Variants in RAB10 observed in about 807,000 individuals in gnomAD.
RAB10 encodes RAB10, member RAS oncogene family.
RAB10 carries 5 observed loss-of-function variants against 25.7 expected under a neutral mutation model. That is an observed-to-expected ratio of 0.19 (90% CI 0.10 to 0.41). The LOEUF (loss-of-function observed/expected upper bound fraction) is 0.41, where lower values mean the gene tolerates loss of function less well. RAB10 is among the 10% of genes least tolerant of loss of function. The pLI is 1.00. For synonymous variants in RAB10, 89 were observed against 86.4 expected, an observed-to-expected ratio of 1.03 and a Z score of -0.16; for missense variants, 103 against 245.8, an observed-to-expected ratio of 0.42 and a Z score of 3.89.
chr2:26,121,862 G>A (rs1004946731), intron 3 of RAB10, among the ~76,000 whole-genome samples: 1 of 152,126 alleles, frequency 6.6e-6, no homozygotes, highest in African/African-American at 2.4e-5. Context: ...ATTTTGGTGA[G>A]CTCGTATGTT....
At chr2:26,073,741 T>G (rs549028035) in intron 1 of RAB10, among the ~76,000 whole-genome samples, 42 of 152,290 alleles carry the variant, frequency 2.8e-4, no homozygotes, top group Non-Finnish European at 5.1e-4. Context: ...CAATTCCTAG[T>G]CTGGTTGCCA....
chr2:26,081,341 A>G (rs147986268), intron 1 of RAB10, among the ~76,000 whole-genome samples: 7 of 152,300 alleles, frequency 4.6e-5, no homozygotes, highest in Middle Eastern at 3.4e-3. Flanking sequence ...GTAAAACTTC[A>G]TATCTGTGAT....
At chr2:26,107,571 T>C (rs1667490770) in intron 2 of RAB10, among the ~76,000 whole-genome samples, 2 of 151,686 alleles carry the variant, frequency 1.3e-5, no homozygotes, top group Non-Finnish European at 1.5e-5. Context: ...TGAGGCGGGC[T>C]GATCACCTGA....
At chr2:26,047,376 AT>A (rs1382055311) in intron 1 of RAB10, among the ~76,000 whole-genome samples, 1 of 119,744 alleles carries the variant, frequency 8.4e-6, no homozygotes, top group African/African-American at 3.3e-5. Flanking sequence ...TTCCCTGGAG[AT>A]TAATCCAAGT....
chr2:26,058,588 T>C (rs1559580696), intron 1 of RAB10, among the ~76,000 whole-genome samples: 1 of 152,144 alleles, frequency 6.6e-6, no homozygotes, highest in Non-Finnish European at 1.5e-5. Context: ...ACCTCTTTGC[T>C]TAGAGCTTCA....
chr2:26,110,850 T>C (rs974306673), intron 3 of RAB10, among the ~76,000 whole-genome samples: 35 of 133,430 alleles, frequency 2.6e-4, no homozygotes, highest in African/African-American at 9.5e-4. Flanking sequence ...GAATTACAGG[T>C]GTGCACCACC....
intron 5 of RAB10, among the ~76,000 whole-genome samples, chr2:26,130,313 T>C (rs1667987230): frequency 6.6e-6 from 1 of 152,104 alleles, no homozygotes; most frequent in Admixed American, 6.5e-5. Flanking sequence ...TCTTTCCTTT[T>C]TTTTTTCTTT....
At chr2:26,120,971 G>T (rs946505138) in intron 3 of RAB10, among the ~76,000 whole-genome samples, 1 of 151,918 alleles carries the variant, frequency 6.6e-6, no homozygotes, top group Admixed American at 6.6e-5. Context: ...GAGTGCAGTG[G>T]TATCATCTCA....
intron 1 of RAB10, among the ~76,000 whole-genome samples, chr2:26,045,278 C>T (rs1256172254): frequency 3.3e-5 from 5 of 150,020 alleles, no homozygotes; most frequent in Admixed American, 6.7e-5. Context: ...CTCGTTCTGT[C>T]GCCCAGGCTG....
chr2:26,036,918 CAGAGACTACAGG>C, intron 1 of RAB10, among the ~76,000 whole-genome samples: 1 of 152,038 alleles, frequency 6.6e-6, no homozygotes, highest in East Asian at 2.0e-4. Flanking sequence ...TCCTGAGTAG[CAGAGACTACAGG>C]TGCCCACCAC....
chr2:26,120,461 G>A (rs192912060), intron 3 of RAB10, among the ~76,000 whole-genome samples: 6 of 152,310 alleles, frequency 3.9e-5, no homozygotes, highest in African/African-American at 2.4e-5. Context: ...GCACATGGCA[G>A]GATTTTAGGA....
chr2:26,062,373 A>G (rs1666417647), intron 1 of RAB10, among the ~76,000 whole-genome samples: 1 of 152,090 alleles, frequency 6.6e-6, no homozygotes, highest in African/African-American at 2.4e-5. Flanking sequence ...CTCCTCCCCA[A>G]ACAAACACAA....
At chr2:26,077,393 G>A (rs1010874922) in intron 1 of RAB10, among the ~76,000 whole-genome samples, 2 of 152,048 alleles carry the variant, frequency 1.3e-5, no homozygotes, top group Admixed American at 1.3e-4. Context: ...TTGTATTATT[G>A]TCCATTAGCT....
intron 3 of RAB10, among the ~76,000 whole-genome samples, chr2:26,117,345 G>T (rs1228063163): frequency 6.6e-6 from 1 of 152,032 alleles, no homozygotes; most frequent in African/African-American, 2.4e-5. Context: ...GGGTGCGGGG[G>T]GCTCATGCTT....
intron 1 of RAB10, among the ~76,000 whole-genome samples, chr2:26,074,309 G>A (rs1048557878): frequency 3.9e-5 from 6 of 152,190 alleles, no homozygotes; most frequent in Non-Finnish European, 8.8e-5. Context: ...ATTTTAAACA[G>A]CTTATCTCTA....
intron 5 of RAB10, among the ~76,000 whole-genome samples, chr2:26,133,819 G>A (rs151182046): frequency 1.3e-5 from 2 of 151,098 alleles, no homozygotes; most frequent in African/African-American, 2.4e-5. Flanking sequence ...GATTACAGAC[G>A]TGCAACACCA....
chr2:26,097,192 G>C (rs1023493094), intron 1 of RAB10, among the ~76,000 whole-genome samples: 1 of 152,022 alleles, frequency 6.6e-6, no homozygotes. Flanking sequence ...CTCTAGCCTG[G>C]GTGACAGAGC....
At chr2:26,105,567 A>C (rs1461472158) in intron 2 of RAB10, among the ~76,000 whole-genome samples, 1 of 152,082 alleles carries the variant, frequency 6.6e-6, no homozygotes, top group East Asian at 1.9e-4. Context: ...AGACAGGAGA[A>C]TCACTTGAAC....
intron 1 of RAB10, among the ~76,000 whole-genome samples, chr2:26,089,379 C>T (rs540682302): frequency 6.0e-5 from 9 of 149,174 alleles, no homozygotes; most frequent in African/African-American, 9.9e-5. Flanking sequence ...GCAGAGATTG[C>T]GCTGCTGCAC....
Sources: gnomAD v4.1 joint callset for allele counts (sites outside exome capture counted in the v4.1 genomes callset) on GRCh38, gnomAD v4.1.1 for gene constraint, MANE v1.5 for transcripts, NCBI Gene and HGNC (gene_info 2026-07-23, HGNC 2026-07-21) for gene names.